The following RAPGEF2 variants were observed in gnomAD, a reference collection of about 807,000 sequenced individuals.
The protein encoded by RAPGEF2 is PDZ domain containing guanine nucleotide exchange factor (GEF) 1.
A neutral mutation model predicts 186.7 loss-of-function variants in RAPGEF2; 54 were observed. That is an observed-to-expected ratio of 0.29 (90% CI 0.23 to 0.36). The LOEUF is 0.36. Among genes scored for constraint, RAPGEF2 ranks in the 10% least tolerant of loss-of-function variants. RAPGEF2 has a pLI of 1.00. For missense variants in RAPGEF2, 1,532 were observed against 2,045.0 expected (o/e 0.75, Z 4.84); for synonymous variants, 712 against 705.9 (o/e 1.01, Z -0.14).
At chr4:159,243,144 G>A (rs1215598747) in intron 6 of RAPGEF2, among the ~76,000 whole-genome samples, 2 of 150,316 alleles carry the variant, frequency 1.3e-5, no homozygotes, top group Non-Finnish European at 3.0e-5. Flanking sequence ...TTTTAAGAGT[G>A]TCTTACCTAG....
intron 1 of RAPGEF2, among the ~76,000 whole-genome samples, chr4:159,122,338 G>A (rs1362391558): frequency 6.6e-6 from 1 of 151,948 alleles, no homozygotes; most frequent in Admixed American, 6.6e-5. Context: ...AATTAGTAGG[G>A]CATGGTGGCG....
intron 23 of RAPGEF2, 38 bp downstream of exon 23, chr4:159,344,097 T>C (rs1464414942): frequency 4.6e-6 from 7 of 1,521,114 alleles, no homozygotes; most frequent in Non-Finnish European, 5.5e-6. Flanking sequence ...CACACAGTTC[T>C]TATTCTGCTC....
intron 4 of RAPGEF2, among the ~76,000 whole-genome samples, chr4:159,224,272 A>C (rs1378564206): frequency 3.3e-5 from 5 of 152,184 alleles, no homozygotes; most frequent in Non-Finnish European, 5.9e-5. Context: ...TGGCTGAAAC[A>C]GATTTTTTTC....
chr4:159,219,442 G>A (rs1352528217), intron 4 of RAPGEF2, among the ~76,000 whole-genome samples: 5 of 129,580 alleles, frequency 3.9e-5, no homozygotes, highest in East Asian at 2.6e-4. Context: ...TGCAAGCCCC[G>A]CCTCCCGGGT....
intron 7 of RAPGEF2, among the ~76,000 whole-genome samples, chr4:159,280,368 T>C (rs1221940863): frequency 6.6e-6 from 1 of 152,222 alleles, no homozygotes; most frequent in East Asian, 1.9e-4. Context: ...AAGATATATT[T>C]TAACCTAGCC....
chr4:159,267,695 G>T, intron 7 of RAPGEF2: 2 of 950,514 alleles, frequency 2.1e-6, no homozygotes, highest in South Asian at 7.9e-5. Flanking sequence ...TTGGCTGAAT[G>T]CTAGAGCCTG....
chr4:159,189,616 A>G (rs970700299), intron 2 of RAPGEF2, among the ~76,000 whole-genome samples: 3 of 152,218 alleles, frequency 2.0e-5, no homozygotes, highest in East Asian at 3.8e-4. Context: ...AATTGTTACT[A>G]TATAGGCGCC....
At chr4:159,263,858 G>T (rs963241750) in intron 7 of RAPGEF2, among the ~76,000 whole-genome samples, 8 of 152,142 alleles carry the variant, frequency 5.3e-5, no homozygotes, top group African/African-American at 1.7e-4. Flanking sequence ...AATATAGCCT[G>T]GAAAGCCTTT....
At chr4:159,215,691 T>C (rs998098903) in intron 4 of RAPGEF2, among the ~76,000 whole-genome samples, 4 of 152,224 alleles carry the variant, frequency 2.6e-5, no homozygotes, top group African/African-American at 7.2e-5. Flanking sequence ...GCTCTGATAG[T>C]TTAAAACTTT....
intron 17 of RAPGEF2, among the ~76,000 whole-genome samples, chr4:159,335,820 A>G (rs1198181657): frequency 8.1e-6 from 1 of 124,218 alleles, no homozygotes; most frequent in African/African-American, 3.2e-5. Context: ...TGGGTGACAG[A>G]GGGAGACTCC....
intron 2 of RAPGEF2, among the ~76,000 whole-genome samples, chr4:159,188,169 T>C (rs933214401): frequency 2.6e-5 from 4 of 152,142 alleles, no homozygotes; most frequent in African/African-American, 9.7e-5. Context: ...CTAACAATTA[T>C]TTAATTGCGT....
chr4:159,152,186 G>GTGC (rs1743620137), intron 1 of RAPGEF2, among the ~76,000 whole-genome samples: 1 of 152,120 alleles, frequency 6.6e-6, no homozygotes, highest in Admixed American at 6.5e-5. Flanking sequence ...GCCAGGCATA[G>GTGC]TGTTGCACGC....
intron 1 of RAPGEF2, among the ~76,000 whole-genome samples, chr4:159,130,780 G>A (rs1188811032): frequency 6.6e-6 from 1 of 151,820 alleles, no homozygotes; most frequent in African/African-American, 2.4e-5. Flanking sequence ...GCACAATCTC[G>A]GCTCACTGCA....
intron 1 of RAPGEF2, among the ~76,000 whole-genome samples, chr4:159,144,067 T>C (rs1742643379): frequency 6.6e-6 from 1 of 152,208 alleles, no homozygotes; most frequent in Non-Finnish European, 1.5e-5. Flanking sequence ...AAAGAACTCT[T>C]TTCCTTCTTT....
At chr4:159,123,108 C>T (rs750373380) in intron 1 of RAPGEF2, among the ~76,000 whole-genome samples, 3 of 152,046 alleles carry the variant, frequency 2.0e-5, no homozygotes, top group African/African-American at 7.2e-5. Flanking sequence ...ATGTGTTAAT[C>T]GAGTGTTTAT....
intron 7 of RAPGEF2, among the ~76,000 whole-genome samples, chr4:159,295,542 T>C (rs1246508096): frequency 2.6e-5 from 4 of 152,186 alleles, no homozygotes; most frequent in African/African-American, 9.7e-5. Context: ...TCCGTGTTTC[T>C]ATGGAAACTT....
rs536700341 is a variant in RAPGEF2, at chr4:159,341,499, C to CT, written c.2535-62dup. The CT allele has an allele frequency of 8.9e-6, 13 of 1,468,524 alleles. 1 individual carries two copies. The highest frequency in any genetic ancestry group is 1.2e-5 in the Non-Finnish European group (13 of 1,092,544). The allele number at this position is 1,468,524 out of a possible 1,614,324, so 91.0% of individuals were successfully genotyped here. On this transcript the variant is annotated intron_variant, in intron 19 of 29. Coordinates refer to ENST00000691494, the MANE Select transcript of RAPGEF2 (RefSeq NM_001394067.2). ...ACTTTCCATAAAAAGTAGCATTATT[C>CT]TTTCAAGGAATATCATGAGATTGCT... is the stretch of plus-strand genomic sequence containing the variant.
At chr4:159,122,518 C>A (rs4691543) in intron 1 of RAPGEF2, among the ~76,000 whole-genome samples, 95,421 of 152,028 alleles carry the variant, frequency 0.63, 30,760 homozygotes, top group African/African-American at 0.78. Flanking sequence ...ACTTATGGAC[C>A]CTTACAGATT....
At chr4:159,249,494 G>T (rs1350014658) in intron 7 of RAPGEF2, among the ~76,000 whole-genome samples, 1 of 151,766 alleles carries the variant, frequency 6.6e-6, no homozygotes, top group Non-Finnish European at 1.5e-5. Flanking sequence ...GGAAGATATT[G>T]CTGACTTCTG....
Sources: allele counts gnomAD v4.1 joint callset (sites outside exome capture counted in the v4.1 genomes callset), GRCh38; gene constraint gnomAD v4.1.1; transcripts MANE v1.5; gene names NCBI Gene and HGNC (gene_info 2026-07-23, HGNC 2026-07-21).